The following HTR2C variants were observed in gnomAD, a reference collection of about 807,000 sequenced individuals.
HTR2C encodes 5-hydroxytryptamine (serotonin) receptor 2C, G protein-coupled.
Under a neutral mutation model 21.0 loss-of-function variants are expected in HTR2C, and 5 were observed. That is an observed-to-expected ratio of 0.24 (90% CI 0.12 to 0.50). HTR2C has a LOEUF of 0.50. Ranked by LOEUF, HTR2C falls within the 20% of genes least tolerant of loss-of-function variation. The pLI, the probability that HTR2C is intolerant of heterozygous loss-of-function variation, is 0.98. For synonymous variants in HTR2C, 150 were observed against 145.3 expected, an observed-to-expected ratio of 1.03 and a Z score of -0.23; for missense variants, 271 against 371.2, an observed-to-expected ratio of 0.73 and a Z score of 2.22.
chrX:114,781,588 T>C (rs930289346), intron 4 of HTR2C, among the ~76,000 whole-genome samples: 1 of 109,665 alleles, frequency 9.1e-6, no homozygotes, highest in Non-Finnish European at 1.9e-5. Context: ...GCAGCCTTGA[T>C]GTCCTCGGCT....
intron 5 of HTR2C, among the ~76,000 whole-genome samples, chrX:114,888,546 G>T (rs1413571223): frequency 3.6e-5 from 4 of 111,757 alleles, no homozygotes; most frequent in African/African-American, 1.3e-4. Context: ...ACTGGGAACT[G>T]GGGATAAGGG....
At chrX:114,644,367 ATATATATAT>A (rs1930271087) in intron 2 of HTR2C, among the ~76,000 whole-genome samples, 4,967 of 48,270 alleles carry the variant, frequency 0.1, 242 homozygotes, top group Non-Finnish European at 0.14. Context: ...AAATAAATAT[ATATATATAT>A]ATATATATAT....
chrX:114,906,893 C>T lies in HTR2C; in HGVS notation c.855C>T (p.Asn285=), dbSNP rs782359396. Residue 285 remains asparagine (N), a synonymous_variant, in exon 6 of 6, where the codon AAC becomes AAT. Transcript: ENST00000276198. ...ENSANPNQDQ[N]ARRRKKKERR... is the part of the protein sequence containing the mutation. ...CTGCAAACCCTAACCAAGACCAGAACGCACGCCGAAGAAAGAAGAAGGAGA... is the reference window on the plus strand; with the variant it reads ...CTGCAAACCCTAACCAAGACCAGAATGCACGCCGAAGAAAGAAGAAGGAGA... The T allele has an allele frequency of 8.3e-7, 1 of 1,210,759 alleles. No homozygotes were observed. The highest frequency in any genetic ancestry group is 1.1e-6 in the Non-Finnish European group (1 of 895,372).
intron 4 of HTR2C, among the ~76,000 whole-genome samples, chrX:114,809,944 C>A (rs1235852943): frequency 8.9e-6 from 1 of 112,006 alleles, no homozygotes; most frequent in Non-Finnish European, 1.9e-5. Context: ...TTCTGCTCGG[C>A]TACCACTGCT....
intron 4 of HTR2C, among the ~76,000 whole-genome samples, chrX:114,826,104 G>A (rs782779843): frequency 9.2e-6 from 1 of 108,811 alleles, no homozygotes; most frequent in Admixed American, 9.9e-5. Flanking sequence ...TTTGAGACAG[G>A]GTTTTTCTTT....
At chrX:114,599,212 T>C (rs1293941202) in intron 1 of HTR2C, among the ~76,000 whole-genome samples, 2 of 111,632 alleles carry the variant, frequency 1.8e-5, no homozygotes. Context: ...TACTAACATA[T>C]AGGTAGAAGA....
At chrX:114,691,085 T>TA (rs1376077827) in intron 2 of HTR2C, among the ~76,000 whole-genome samples, 1 of 111,174 alleles carries the variant, frequency 9.0e-6, no homozygotes, top group African/African-American at 3.3e-5. Flanking sequence ...CAATTGAAGG[T>TA]AAAAATGATT....
intron 4 of HTR2C, among the ~76,000 whole-genome samples, chrX:114,827,069 C>T (rs1845223108): frequency 9.1e-6 from 1 of 109,974 alleles, no homozygotes; most frequent in South Asian, 3.8e-4. Context: ...TTATAAGTAT[C>T]CCTTATCCAA....
At chrX:114,875,996 G>T (rs1355646759) in intron 5 of HTR2C, among the ~76,000 whole-genome samples, 2 of 108,186 alleles carry the variant, frequency 1.8e-5, no homozygotes, top group East Asian at 5.8e-4. Flanking sequence ...ATATTGCTTT[G>T]AGTAGTATTG....
At chrX:114,887,229 T>C (rs935185525) in intron 5 of HTR2C, among the ~76,000 whole-genome samples, 1 of 111,745 alleles carries the variant, frequency 8.9e-6, no homozygotes. Context: ...TATTTTTTTG[T>C]GTGAAGTTGT....
intron 4 of HTR2C, among the ~76,000 whole-genome samples, chrX:114,748,763 T>G (rs1556426903): frequency 8.9e-6 from 1 of 111,944 alleles, no homozygotes; most frequent in Non-Finnish European, 1.9e-5. Context: ...AAATTTAAAA[T>G]GCAAAACTAC....
chrX:114,589,258 T>C (rs1186795473), intron 1 of HTR2C, among the ~76,000 whole-genome samples: 7 of 111,833 alleles, frequency 6.3e-5, no homozygotes, highest in Non-Finnish European at 5.6e-5. Context: ...GAGATTCACC[T>C]ACCAATAAAG....
intron 2 of HTR2C, among the ~76,000 whole-genome samples, chrX:114,681,319 C>G (rs1556413477): frequency 9.0e-6 from 1 of 110,972 alleles, no homozygotes; most frequent in Non-Finnish European, 1.9e-5. Context: ...TGATCTTTGC[C>G]AGGCTTAATA....
intron 2 of HTR2C, among the ~76,000 whole-genome samples, chrX:114,723,247 A>G (rs1404967504): frequency 1.7e-4 from 19 of 110,340 alleles, no homozygotes; most frequent in East Asian, 8.6e-4. Flanking sequence ...GTCTTGGGAG[A>G]GTGTATGTGT....
At chrX:114,775,445 C>A in intron 4 of HTR2C, 1 of 515,784 alleles carries the variant, frequency 1.9e-6, no homozygotes, top group Non-Finnish European at 3.6e-6. Flanking sequence ...CTTCATAAAC[C>A]TGAATCAGCA....
intron 2 of HTR2C, among the ~76,000 whole-genome samples, chrX:114,698,464 ACACACACACAAACACG>A (rs1308842429): frequency 0.15 from 5,403 of 36,737 alleles, 338 homozygotes; most frequent in African/African-American, 0.29. Context: ...ACACAAACAC[ACACACACACAAACACG>A]CACACACACA....
intron 5 of HTR2C, among the ~76,000 whole-genome samples, chrX:114,885,482 T>G (rs2071213475): frequency 9.0e-6 from 1 of 111,713 alleles, no homozygotes; most frequent in Admixed American, 9.6e-5. Context: ...ATTAGATTTT[T>G]TAAAATCCAA....
intron 2 of HTR2C, among the ~76,000 whole-genome samples, chrX:114,619,124 G>C (rs1331685392): frequency 9.0e-6 from 1 of 111,025 alleles, no homozygotes; most frequent in African/African-American, 3.3e-5. Context: ...GCATCACGGG[G>C]AATTGCACTG....
chrX:114,783,175 TAAC>T (rs1224888606), intron 4 of HTR2C, among the ~76,000 whole-genome samples: 4 of 111,174 alleles, frequency 3.6e-5, no homozygotes, highest in Non-Finnish European at 7.6e-5. Context: ...ATAAACATAA[TAAC>T]AAGACAAAAT....
Sources: allele counts gnomAD v4.1 joint callset (sites outside exome capture counted in the v4.1 genomes callset), GRCh38; gene constraint gnomAD v4.1.1; transcripts MANE v1.5; gene names NCBI Gene and HGNC (gene_info 2026-07-23, HGNC 2026-07-21).